The following ADAM15 variants were observed in gnomAD, a reference collection of about 807,000 sequenced individuals.
The protein encoded by ADAM15 is disintegrin and metalloproteinase domain-containing protein 15.
Under a neutral mutation model 113.8 loss-of-function variants are expected in ADAM15, and 77 were observed. That is an observed-to-expected ratio of 0.68 (90% CI 0.56 to 0.82). The LOEUF is 0.82. ADAM15 is among the 40% of genes least tolerant of loss of function. ADAM15 has a pLI of 0.00. For synonymous variants in ADAM15, 388 were observed against 454.1 expected, an observed-to-expected ratio of 0.85 and a Z score of 1.85; for missense variants, 963 against 1,120.1, an observed-to-expected ratio of 0.86 and a Z score of 2.00.
Position 155,051,326 on chromosome 1 carries a change from GC to G in ADAM15, c.-59del. Reference sequence around the variant, plus strand: ...GTTCTCCGAGGCGACCTGGCCGCCGGCCGCTCCTCCGCGCGCTGTTCCGCAC... The same window carrying G: ...GTTCTCCGAGGCGACCTGGCCGCCGGCGCTCCTCCGCGCGCTGTTCCGCAC... On this transcript the variant is annotated 5_prime_UTR_variant, in exon 1 of 23. Coordinates refer to ENST00000356955, the MANE Select transcript of ADAM15 (RefSeq NM_207197.3). 1 of 1,288,372 alleles carries G rather than the reference GC, an allele frequency of 7.8e-7. No individual in the cohort carries two copies. Among genetic ancestry groups the G allele is most frequent in the Non-Finnish European group, 1.0e-6 (1 of 1,002,284 alleles). The allele number at this position is 1,288,372 out of a possible 1,614,324, so 79.8% of individuals were successfully genotyped here. A position where few individuals can be genotyped will look rare whatever the true frequency, so the allele number is the denominator to read the frequency against.
At chr1:155,059,628 T>C (rs1279692602) in intron 16 of ADAM15, among the ~76,000 whole-genome samples, 2 of 152,100 alleles carry the variant, frequency 1.3e-5, no homozygotes, top group African/African-American at 2.4e-5. Context: ...GACTCCATCT[T>C]ACTTGCTGTC....
chr1:155,060,188 C>A lies in ADAM15; in HGVS notation c.2069-17C>A. On this transcript the variant is annotated splice_polypyrimidine_tract_variant and intron_variant, in intron 17 of 22. Transcript: ENST00000356955. ...TTCTTAGCCCCGTCCTCCCTTAAAC[C>A]TGACTTCCGCCCACAGCAACCAGCT... 1 of 1,613,268 alleles carries A rather than the reference C, an allele frequency of 6.2e-7. No homozygotes were observed. The highest frequency in any genetic ancestry group is 8.5e-7 in the Non-Finnish European group (1 of 1,179,370).
Position 155,062,637 on chromosome 1 carries a change from TGTCAA to T in ADAM15, c.*137_*141del. ...TAAGACTCCGGGCACCGCCACGCGC[TGTCAA>T]GCAACACTCTGCGGACCTGCCGGCG... On this transcript the variant is annotated 3_prime_UTR_variant, in exon 23 of 23. Transcript: ENST00000356955. The surrounding 1 kb of genome is among the most constrained non-coding windows in gnomAD (Gnocchi z 7.0). 7.9e-7 allele frequency: 1 copy of T among 1,264,390 alleles called. No homozygotes were observed. Among genetic ancestry groups the T allele is most frequent in the Non-Finnish European group, 1.1e-6 (1 of 913,532 alleles). The allele number at this position is 1,264,390 out of a possible 1,614,324, so 78.3% of individuals were successfully genotyped here.
At position 155,057,614 on chromosome 1, in the gene ADAM15, G is replaced by C; in HGVS notation, c.1324-23G>C. ...ACAGGCCCCACCTGCTCTGATGCCC[G>C]GCCCCCGTGCTCCTGCCCACAGGAC... On this transcript the variant is annotated intron_variant, in intron 12 of 22. Coordinates refer to ENST00000356955, the MANE Select transcript of ADAM15 (RefSeq NM_207197.3). This position sits in a 1 kb window ranked among gnomAD's most constrained non-coding sequence, Gnocchi z 5.0. 6.2e-7 allele frequency: 1 copy of C among 1,613,200 alleles called. No individual in the cohort carries two copies. The highest frequency in any genetic ancestry group is 8.5e-7 in the Non-Finnish European group (1 of 1,179,322).
rs1195222243 is a variant in ADAM15, at chr1:155,056,163, C to T, written c.828C>T (p.Asn276=). Residue 276 remains asparagine, a synonymous_variant, in exon 9 of 23, where the codon AAC becomes AAT. Coordinates refer to ENST00000356955, the MANE Select transcript of ADAM15 (RefSeq NM_207197.3). This position sits in a 1 kb window ranked among gnomAD's most constrained non-coding sequence, Gnocchi z 4.0. The stretch of plus-strand genomic sequence containing the variant: ...GTGACCTGGTGGAGATCAGCCCAAA[C>T]CCAGCTGTCACCCTCGAAAACTTCC... ...TQRDLVEISP[N]PAVTLENFLH... is the part of the protein sequence containing the mutation. 1 of 1,614,058 alleles carries T rather than the reference C, an allele frequency of 6.2e-7. No individual in the cohort carries two copies. The highest frequency in any genetic ancestry group is 1.1e-5 in the South Asian group (1 of 91,088).
intron 3 of ADAM15, 116 bp downstream of exon 3, chr1:155,053,609 G>A: frequency 1.9e-6 from 2 of 1,047,864 alleles, no homozygotes; most frequent in South Asian, 1.3e-5. Flanking sequence ...GCCCTATAAG[G>A]GATATACTAT....
rs544436028 is a variant in ADAM15, at chr1:155,061,456, G to A, written c.2319G>A (p.Pro773=). The A allele has an allele frequency of 1.1e-5, 18 of 1,613,462 alleles. No homozygotes were observed. The highest frequency in any genetic ancestry group is 1.1e-4 in the South Asian group (10 of 91,026). ...ALSFPAPPSR[P]LPPDPVSKRL... is the part of the protein sequence containing the mutation. ...GCTTCCCGGCCCCCCCTTCCAGGCCGCTGCCGCCTGACCCTGTGTCCAAGA... is the reference window on the plus strand; with the variant it reads ...GCTTCCCGGCCCCCCCTTCCAGGCCACTGCCGCCTGACCCTGTGTCCAAGA... Residue 773 remains proline (P), a synonymous_variant, in exon 20 of 23, where the codon CCG becomes CCA. Coordinates refer to ENST00000356955, the MANE Select transcript of ADAM15 (RefSeq NM_207197.3).
chr1:155,056,908 G>A lies in ADAM15; in HGVS notation c.1000-45G>A. 1 of 1,521,298 alleles carries A rather than the reference G, an allele frequency of 6.6e-7. No individual in the cohort carries two copies. Among genetic ancestry groups the A allele is most frequent in the Non-Finnish European group, 8.8e-7 (1 of 1,133,618 alleles). 94.2% of individuals were successfully genotyped at this position (1,521,298 alleles called of 1,614,324 possible). On this transcript the variant is annotated intron_variant, in intron 10 of 22. Transcript: ENST00000356955. The surrounding 1 kb of genome is among the most constrained non-coding windows in gnomAD (Gnocchi z 4.0). ...AGAGGGTGGTCTGGGCATTGTGGTG[G>A]AGGCAGGCTGGGACTGGACCTACAG...
In ADAM15 at chr1:155,061,927, T is replaced by C; in HGVS notation, c.2376T>C (p.Asn792=). The change falls in exon 21 of 23, where the codon AAT becomes AAC. Residue 792 remains asparagine, a synonymous_variant. Transcript: ENST00000356955. ...RLQAELADRP[N]PPTRPLPADP... ...AGGCTGAGCTGGCTGACCGACCCAATCCCCCTACCCGCCCTCTGCCCGCTG... is the reference window on the plus strand; with the variant it reads ...AGGCTGAGCTGGCTGACCGACCCAACCCCCCTACCCGCCCTCTGCCCGCTG... 1 of 1,554,364 alleles carries C rather than the reference T, an allele frequency of 6.4e-7. No homozygotes were observed. The highest frequency in any genetic ancestry group is 8.7e-7 in the Non-Finnish European group (1 of 1,147,604).
At chr1:155,059,703 C>T (rs978393890) in intron 16 of ADAM15, among the ~76,000 whole-genome samples, 199 bp from the exon 17 acceptor site, 18 of 152,132 alleles carry the variant, frequency 1.2e-4, no homozygotes, top group Non-Finnish European at 1.5e-5. Context: ...ACCACAGTGC[C>T]CAGCACACAG....
chr1:155,055,848 C>T lies in ADAM15; in HGVS notation c.671C>T (p.Ser224Leu), dbSNP rs752448335. Residue 224 changes from serine (S) to leucine (L), a missense_variant, in exon 7 of 23, where the codon TCG becomes TTG. Transcript: ENST00000356955. ...GAGTTGGTGATTGTGGCTGATCACT[C>T]GGAGGTGAGCCTGCTGGCCCCTGCA... The part of the protein sequence containing the change: ...TVELVIVADH[S>L]EAQKYRDFQH... 3.3e-5 allele frequency: 53 copies of T among 1,614,082 alleles called. No homozygotes were observed. The highest frequency in any genetic ancestry group is 4.5e-5 in the East Asian group (2 of 44,896).
In ADAM15 at chr1:155,055,796, G is replaced by A. The variant is rs894444455; in HGVS notation, c.619G>A (p.Asp207Asn). 6.2e-7 allele frequency: 1 copy of A among 1,614,118 alleles called. No homozygotes were observed. Among genetic ancestry groups the A allele is most frequent in the African/African-American group, 1.3e-5 (1 of 74,936 alleles). ...LGQRHIRRRR[D>N]VVTETKTVEL... ...TTCTTCTTGTCCATAGTAGAGGCGGGATGTGGTAACAGAGACCAAGACTGT... is the reference window on the plus strand; with the variant it reads ...TTCTTCTTGTCCATAGTAGAGGCGGAATGTGGTAACAGAGACCAAGACTGT... The change falls in exon 7 of 23, where the codon GAT becomes AAT. Residue 207 changes from aspartate (D) to asparagine (N), a missense_variant. Asp to Asn is a conservative substitution (Grantham distance 23). Coordinates refer to ENST00000356955, the MANE Select transcript of ADAM15 (RefSeq NM_207197.3).
chr1:155,062,427 C>G lies in ADAM15; in HGVS notation c.2550-33C>G. 6.2e-7 allele frequency: 1 copy of G among 1,613,022 alleles called. No homozygotes were observed. The highest frequency in any genetic ancestry group is 8.5e-7 in the Non-Finnish European group (1 of 1,179,878). On this transcript the variant is annotated intron_variant, in intron 22 of 22. Coordinates refer to ENST00000356955, the MANE Select transcript of ADAM15 (RefSeq NM_207197.3). This position sits in a 1 kb window ranked among gnomAD's most constrained non-coding sequence, Gnocchi z 7.0. ...CGAGTGACCTGGGGGAAAGGGGCCT[C>G]TGACTCTTTTTTCTTGGCTTCCCGC...
chr1:155,051,541 A>G, intron 1 of ADAM15, 76 bp downstream of exon 1: 1 of 1,336,818 alleles, frequency 7.5e-7, no homozygotes, highest in Non-Finnish European at 9.9e-7. Context: ...CATTAGGGTA[A>G]TGGGGCCGGA....
At position 155,056,494 on chromosome 1, in the gene ADAM15, C is replaced by T. The variant is rs368984768; in HGVS notation, c.999+24C>T. On this transcript the variant is annotated intron_variant, in intron 10 of 22. Transcript: ENST00000356955. The surrounding 1 kb of genome is among the most constrained non-coding windows in gnomAD (Gnocchi z 4.0). ...TGGTGAGTTATTTCCAGGTCTCCTCCTCATTCCCAATTCAGTTCCTCCCAA... is the reference window on the plus strand; with the variant it reads ...TGGTGAGTTATTTCCAGGTCTCCTCTTCATTCCCAATTCAGTTCCTCCCAA... The T allele has an allele frequency of 6.9e-5, 110 of 1,605,606 alleles. No homozygotes were observed. Among genetic ancestry groups the T allele is most frequent in the Non-Finnish European group, 8.7e-5 (102 of 1,172,722 alleles).
In ADAM15 at chr1:155,058,249, T is replaced by TG; in HGVS notation, c.1726dup (p.Ala576GlyfsTer12). 1.9e-6 allele frequency: 3 copies of TG among 1,614,066 alleles called. No individual in the cohort carries two copies. The highest frequency in any genetic ancestry group is 2.5e-6 in the Non-Finnish European group (3 of 1,180,022). ...GTGCCCTTCCCCCTCCCCACAGAGA[T>TG]GCCATTTGTGGGCAGCTCCAGTGCC... On this transcript the variant is annotated frameshift_variant, in exon 15 of 23. Transcript: ENST00000356955. LOFTEE classifies it high-confidence loss of function. This position sits in a 1 kb window ranked among gnomAD's most constrained non-coding sequence, Gnocchi z 4.3.
At chr1:155,053,589 C>A (rs1661376392) in intron 3 of ADAM15, 96 bp downstream of exon 3, 6 of 1,268,772 alleles carry the variant, frequency 4.7e-6, no homozygotes, top group Non-Finnish European at 5.7e-6. Context: ...CTCATTTAAT[C>A]CTCATAACAG....
rs145357294 is a variant in ADAM15, at chr1:155,060,788, C to T, written c.2233C>T (p.Arg745Trp). Residue 745 changes from arginine (R) to tryptophan (W), a missense_variant, in exon 19 of 23, where the codon CGG becomes TGG. Physicochemically the swap from Arg to Trp is moderately radical, Grantham distance 101. Coordinates refer to ENST00000356955, the MANE Select transcript of ADAM15 (RefSeq NM_207197.3). ...GGCAGCCCAATCTGGTCCCTCTGAA[C>T]GGCCAGGACCTCCGCAGAGGGCCCT... ...YRAAQSGPSE[R>W]PGPPQRALLA... The T allele has an allele frequency of 2.8e-4, 453 of 1,613,516 alleles. No homozygotes were observed. Among genetic ancestry groups the T allele is most frequent in the Non-Finnish European group, 3.6e-4 (429 of 1,179,996 alleles).
chr1:155,059,403 T>C (rs1290511020), intron 16 of ADAM15, among the ~76,000 whole-genome samples: 3 of 152,090 alleles, frequency 2.0e-5, no homozygotes. Context: ...GCAGGAGGAT[T>C]ACTTGAGGCC....
Sources: gnomAD v4.1 joint callset for allele counts (sites outside exome capture counted in the v4.1 genomes callset) on GRCh38, gnomAD v4.1.1 for gene constraint, Gnocchi (gnomAD v3.1) non-coding constraint, MANE v1.5 for transcripts, NCBI Gene and HGNC (gene_info 2026-07-23, HGNC 2026-07-21) for gene names.